Variants in CACHD1 observed in about 807,000 individuals in gnomAD.
CACHD1 encodes VWFA and cache domain-containing protein 1.
CACHD1 carries 71 observed loss-of-function variants against 138.7 expected under a neutral mutation model. The observed-to-expected ratio is 0.51, with a 90% CI of 0.42 to 0.62. The LOEUF (loss-of-function observed/expected upper bound fraction) is 0.62. Ranked by LOEUF, CACHD1 falls within the 20% of genes least tolerant of loss-of-function variation. The pLI is 0.00. For synonymous variants in CACHD1, 578 were observed against 591.5 expected (o/e 0.98, Z 0.33); for missense variants, 1,389 against 1,625.3 (o/e 0.85, Z 2.50).
chr1:64,631,649 A>G (rs777003140), intron 5 of CACHD1, among the ~76,000 whole-genome samples: 9 of 152,224 alleles, frequency 5.9e-5, no homozygotes, highest in Non-Finnish European at 1.0e-4. Flanking sequence ...AATTTGTTCC[A>G]GCTTTAAAAC....
At chr1:64,586,470 G>C (rs1395650727) in intron 3 of CACHD1, among the ~76,000 whole-genome samples, 1 of 152,122 alleles carries the variant, frequency 6.6e-6, no homozygotes, top group Non-Finnish European at 1.5e-5. Flanking sequence ...AGATCTCCTA[G>C]TCTTTTGAAG....
At chr1:64,556,551 A>G (rs1294607772) in intron 2 of CACHD1, among the ~76,000 whole-genome samples, 1 of 152,140 alleles carries the variant, frequency 6.6e-6, no homozygotes, top group East Asian at 1.9e-4. Flanking sequence ...TTTCTTGTGC[A>G]TACTATCTAA....
chr1:64,606,313 G>T (rs1647338321), intron 4 of CACHD1, among the ~76,000 whole-genome samples: 1 of 152,166 alleles, frequency 6.6e-6, no homozygotes, highest in African/African-American at 2.4e-5. Flanking sequence ...GGGTTTGTGG[G>T]TGAGATCTGA....
rs139320316 is a variant in CACHD1 at position 64,643,036 on chromosome 1, T to TA, written c.1156+1102dup. 9.3e-4 allele frequency among the ~76,000 whole-genome samples: 31 copies of TA among 33,356 alleles called. 4 individuals carry two copies. The highest frequency in any genetic ancestry group is 1.8e-3 in the African/African-American group (22 of 12,402). The allele number at this position is 33,356 out of a possible 152,430, so 21.9% of individuals were successfully genotyped here. ...CCTGGTGACAGAGCAAGACTCTGTC[T>TA]AAAAAAAAAAAAAAAAAAAAAAAAA... On this transcript the variant is annotated intron_variant, in intron 8 of 26. Transcript: ENST00000651257.
intron 1 of CACHD1, among the ~76,000 whole-genome samples, chr1:64,479,497 G>A (rs985741027): frequency 1.3e-5 from 2 of 152,150 alleles, no homozygotes; most frequent in East Asian, 3.9e-4. Context: ...GTGGAAAGAT[G>A]GCATTATGGT....
Position 64,664,516 on chromosome 1 carries a change from G to A in CACHD1, c.2113G>A (p.Val705Ile). ...PGLKFSVRNEVMATSHVTDEW... is the reference protein window; with the variant it reads ...PGLKFSVRNEIMATSHVTDEW... ...TTCCCAGTTCTCTGTCAGAAATGAA[G>A]TAATGGCTACCAGCCACGTCACAGA... Residue 705 changes from valine to isoleucine, a missense_variant, in exon 15 of 27, where the codon GTA (valine) becomes ATA (isoleucine). Physicochemically the swap from Val to Ile is conservative, Grantham distance 29. Around this residue, in one of 5 missense-constraint regions of CACHD1, gnomAD observed 1,000 missense variants for 1,114.7 expected, o/e 0.90. Transcript: ENST00000651257. 6.2e-7 allele frequency: 1 copy of A among 1,614,150 alleles called. No individual in the cohort carries two copies. Among genetic ancestry groups the A allele is most frequent in the Non-Finnish European group, 8.5e-7 (1 of 1,180,004 alleles).
intron 3 of CACHD1, among the ~76,000 whole-genome samples, chr1:64,597,817 A>T (rs1292070647): frequency 6.6e-6 from 1 of 152,132 alleles, no homozygotes; most frequent in African/African-American, 2.4e-5. Flanking sequence ...ATAAACCCGG[A>T]ATTATATAAA....
intron 1 of CACHD1, among the ~76,000 whole-genome samples, chr1:64,477,401 T>C (rs1646179884): frequency 6.6e-6 from 1 of 152,118 alleles, no homozygotes; most frequent in Non-Finnish European, 1.5e-5. Flanking sequence ...CTGAAGAAAA[T>C]GCTAGACCTG....
rs1475152703 is a variant in CACHD1 at position 64,632,582 on chromosome 1, G to T, written c.645-17G>T. ...CCTAAACCAAGACTGACCCCAGAGA[G>T]CTTCTTCTCCCTCCAGACCCATCTA... On this transcript the variant is annotated splice_polypyrimidine_tract_variant and intron_variant, in intron 5 of 26. Coordinates refer to ENST00000651257, the MANE Select transcript of CACHD1 (RefSeq NM_020925.4). 6.2e-6 allele frequency: 10 copies of T among 1,613,288 alleles called. No homozygotes were observed. Among genetic ancestry groups the T allele is most frequent in the Non-Finnish European group, 8.5e-6 (10 of 1,179,860 alleles).
At chr1:64,580,940 C>G (rs780709487) in intron 2 of CACHD1, among the ~76,000 whole-genome samples, 2 of 152,126 alleles carry the variant, frequency 1.3e-5, no homozygotes, top group Non-Finnish European at 2.9e-5. Context: ...AGTAAGAAGT[C>G]TAGGTCAGGG....
At chr1:64,677,581 G>A (rs535927385) in intron 22 of CACHD1, among the ~76,000 whole-genome samples, 10 of 152,284 alleles carry the variant, frequency 6.6e-5, no homozygotes, top group East Asian at 3.9e-4. Context: ...TCTGCTTTGC[G>A]TGTGTATTTT....
At chr1:64,660,041 A>G (rs543174498) in intron 13 of CACHD1, among the ~76,000 whole-genome samples, 2 of 152,312 alleles carry the variant, frequency 1.3e-5, no homozygotes, top group South Asian at 4.1e-4. Context: ...TTGATCCAAG[A>G]AGGCAGGATT....
intron 1 of CACHD1, among the ~76,000 whole-genome samples, chr1:64,520,488 A>G (rs1646490549): frequency 6.6e-6 from 1 of 152,186 alleles, no homozygotes; most frequent in South Asian, 2.1e-4. Flanking sequence ...GCCTACCCCT[A>G]GAGTGCATTC....
intron 4 of CACHD1, among the ~76,000 whole-genome samples, chr1:64,623,708 G>A (rs997774227): frequency 6.6e-6 from 1 of 152,192 alleles, no homozygotes; most frequent in Admixed American, 6.5e-5. Flanking sequence ...AGAGGGTGCA[G>A]TAACTTCTAG....
rs72436564 is a variant in CACHD1 at position 64,500,717 on chromosome 1, T to TA, written c.198+29793dup. Among the ~76,000 whole-genome samples the TA allele has an allele frequency of 1.1e-3, 39 of 33,966 alleles. 1 individual carries two copies. Among genetic ancestry groups the TA allele is most frequent in the East Asian group, 7.0e-3 (3 of 430 alleles). 22.3% of individuals were successfully genotyped at this position (33,966 alleles called of 152,430 possible). On this transcript the variant is annotated intron_variant, in intron 1 of 26. Transcript: ENST00000651257. ...GGCAACGTAGCAAGACCTTGTCTCT[T>TA]AAAAAAAAAAAAAAAAAAGAGAGAG...
intron 1 of CACHD1, among the ~76,000 whole-genome samples, chr1:64,477,584 G>GATT (rs10701038): frequency 0.067 from 9,101 of 136,014 alleles, 374 homozygotes; most frequent in East Asian, 0.19. Context: ...CTTCCCCCCA[G>GATT]ATTATTATTA....
intron 4 of CACHD1, among the ~76,000 whole-genome samples, chr1:64,615,491 T>C (rs372663286): frequency 2.8e-4 from 43 of 152,348 alleles, no homozygotes; most frequent in African/African-American, 1.0e-3. Flanking sequence ...TTAAGTGAGA[T>C]GCCTACTTGA....
chr1:64,560,666 G>T (rs776345963), intron 2 of CACHD1, among the ~76,000 whole-genome samples: 4 of 151,964 alleles, frequency 2.6e-5, no homozygotes, highest in Non-Finnish European at 2.9e-5. Context: ...TAAAGAACAT[G>T]TGTTCTGCAG....
At chr1:64,480,451 G>GT (rs1419668381) in intron 1 of CACHD1, among the ~76,000 whole-genome samples, 1 of 151,960 alleles carries the variant, frequency 6.6e-6, no homozygotes, top group East Asian at 1.9e-4. Flanking sequence ...TGAAAAGAAA[G>GT]TTTGGCTTAA....
Sources: gnomAD v4.1 joint callset for allele counts (sites outside exome capture counted in the v4.1 genomes callset) on GRCh38, gnomAD v4.1.1 for gene constraint, gnomAD v4.1.1 regional missense constraint, MANE v1.5 for transcripts, NCBI Gene and HGNC (gene_info 2026-07-23, HGNC 2026-07-21) for gene names.